The following ZFHX3 variants were observed in gnomAD, a reference collection of about 807,000 sequenced individuals.
ZFHX3 encodes the protein zinc finger homeobox 3.
A neutral mutation model predicts 279.1 loss-of-function variants in ZFHX3; 42 were observed. The ratio of observed to expected loss-of-function variants is 0.15; its 90% CI spans 0.12 to 0.19. ZFHX3 has a LOEUF of 0.19. Ranked by LOEUF, ZFHX3 falls within the 10% of genes least tolerant of loss-of-function variation. ZFHX3 has a pLI of 1.00. For synonymous variants in ZFHX3, 2,293 were observed against 1,957.8 expected (o/e 1.17, Z -4.52); for missense variants, 4,981 against 4,754.0 (o/e 1.05, Z -1.40).
At chr16:73,380,356 T>G (rs1178440203) in intron 3 of ZFHX3, among the ~76,000 whole-genome samples, 1 of 152,196 alleles carries the variant, frequency 6.6e-6, no homozygotes, top group African/African-American at 2.4e-5. Flanking sequence ...AATCCAAGAT[T>G]TTTTAAAGAG....
intron 2 of ZFHX3, among the ~76,000 whole-genome samples, chr16:73,599,792 C>G (rs1298938065): frequency 6.6e-6 from 1 of 151,236 alleles, no homozygotes; most frequent in Non-Finnish European, 1.5e-5. Flanking sequence ...ACACTTCCAC[C>G]GGTATAATGA....
At chr16:73,424,086 C>T (rs897293772) in intron 3 of ZFHX3, among the ~76,000 whole-genome samples, 7 of 152,092 alleles carry the variant, frequency 4.6e-5, no homozygotes, top group African/African-American at 7.2e-5. Context: ...TCTGAGAGCC[C>T]ACCCTACCAC....
intron 3 of ZFHX3, among the ~76,000 whole-genome samples, chr16:72,909,877 C>CAAAAAAAAAAAAAAAAAAAAAAAAA (rs66982395): frequency 1.2e-5 from 1 of 82,324 alleles, no homozygotes; most frequent in African/African-American, 4.8e-5. Flanking sequence ...CACCGTGTCT[C>CAAAAAAAAAAAAAAAAAAAAAAAAA]AAAAAAAAAA....
At chr16:73,712,420 ACC>A (rs2053372206) in intron 1 of ZFHX3, among the ~76,000 whole-genome samples, 1 of 151,606 alleles carries the variant, frequency 6.6e-6, no homozygotes, top group South Asian at 2.1e-4. Flanking sequence ...GAAATCTCTG[ACC>A]CTTCCCCAGC....
chr16:73,059,480 T>C (rs1965650261), exon 1 of ZFHX3: 1 of 148,850 alleles, frequency 6.7e-6, no homozygotes, highest in Non-Finnish European at 1.5e-5. Flanking sequence ...TTTTTTTCCT[T>C]TCTTCTTCCC....
At chr16:73,216,878 G>T (rs2012228562) in intron 5 of ZFHX3, among the ~76,000 whole-genome samples, 1 of 152,286 alleles carries the variant, frequency 6.6e-6, no homozygotes, top group Non-Finnish European at 1.5e-5. Flanking sequence ...TCAGCTTCCT[G>T]AACAACGGTC....
At chr16:73,819,839 C>A (rs1203403201) in intron 1 of ZFHX3, among the ~76,000 whole-genome samples, 1 of 152,128 alleles carries the variant, frequency 6.6e-6, no homozygotes, top group Admixed American at 6.5e-5. Context: ...ATAGTAAGAT[C>A]TTCCCCATAT....
chr16:73,435,303 G>C (rs934116067), intron 3 of ZFHX3, among the ~76,000 whole-genome samples: 5 of 147,948 alleles, frequency 3.4e-5, no homozygotes, highest in Admixed American at 3.3e-4. Flanking sequence ...CCACCTCCCG[G>C]GTTCAAGTGA....
intron 3 of ZFHX3, among the ~76,000 whole-genome samples, chr16:72,910,307 T>A (rs2039286526): frequency 6.6e-6 from 1 of 152,004 alleles, no homozygotes; most frequent in African/African-American, 2.4e-5. Context: ...GAGGAAAAAA[T>A]GAGAAGGTGA....
chr16:73,792,237 A>C (rs1959845996), intron 1 of ZFHX3, among the ~76,000 whole-genome samples: 1 of 152,158 alleles, frequency 6.6e-6, no homozygotes, highest in Admixed American at 6.5e-5. Flanking sequence ...ACCCACTTTT[A>C]TTTCCGCCAT....
intron 7 of ZFHX3, among the ~76,000 whole-genome samples, chr16:73,130,663 A>G (rs941702793): frequency 2.0e-5 from 3 of 152,210 alleles, no homozygotes; most frequent in African/African-American, 7.2e-5. Context: ...CTGGAGTGCA[A>G]TGGAGGTGAT....
intron 1 of ZFHX3, among the ~76,000 whole-genome samples, chr16:72,987,045 G>C (rs923577112): frequency 1.3e-5 from 2 of 152,124 alleles, no homozygotes; most frequent in African/African-American, 2.4e-5. Context: ...CCAGTTACTC[G>C]GGAGACTGAG....
chr16:72,798,499 C>G lies in ZFHX3; in HGVS notation c.4183G>C (p.Asp1395His). ...HAKRPQLPVS[D>H]RHVYKYRCNQ... Reference sequence around the variant, plus strand: ...CAGCGGTACTTGTACACATGGCGATCTGACACCGGCAGCTGAGGCCTCTTG... The same window carrying G: ...CAGCGGTACTTGTACACATGGCGATGTGACACCGGCAGCTGAGGCCTCTTG... Residue 1395 changes from aspartate to histidine, a missense_variant, in exon 9 of 10, where the codon GAT (aspartate) becomes CAT (histidine). Around this residue, in one of 7 missense-constraint regions of ZFHX3, gnomAD observed 1,751 missense variants for 1,770.0 expected, o/e 0.99. Coordinates refer to ENST00000268489, the MANE Select transcript of ZFHX3 (RefSeq NM_006885.4). The G allele has an allele frequency of 6.2e-7, 1 of 1,614,194 alleles. No homozygotes were observed. The highest frequency in any genetic ancestry group is 8.5e-7 in the Non-Finnish European group (1 of 1,180,020).
At chr16:73,501,906 G>T (rs1032219170) in intron 2 of ZFHX3, among the ~76,000 whole-genome samples, 2 of 152,148 alleles carry the variant, frequency 1.3e-5, no homozygotes, top group African/African-American at 4.8e-5. Context: ...TTACCTCTCT[G>T]GGGAAGGACT....
chr16:73,851,951 G>A (rs1438854815), intron 1 of ZFHX3, among the ~76,000 whole-genome samples: 1 of 152,142 alleles, frequency 6.6e-6, no homozygotes. Flanking sequence ...GTCCAGGGAT[G>A]CCAAACATCC....
rs537415169 is a variant in ZFHX3 at position 73,718,966 on chromosome 16, T to C, written c.-1607-38726A>G. 3.3e-5 allele frequency among the ~76,000 whole-genome samples: 5 copies of C among 152,264 alleles called. No individual in the cohort carries two copies. In the East Asian group the frequency reaches 9.7e-4, roughly 29 times the overall value. On this transcript the variant is annotated intron_variant, in intron 1 of 17. Transcript: ENST00000641206. ...CCCTCCTCCGTCAGATCATATGAAA[T>C]GTATTACATCAGGGTAAGGTTTAAG...
chr16:72,893,413 A>G (rs990122423), intron 3 of ZFHX3, among the ~76,000 whole-genome samples: 3 of 152,224 alleles, frequency 2.0e-5, no homozygotes, highest in Non-Finnish European at 4.4e-5. Context: ...CTGAGCCACA[A>G]GAGAGGAATA....
chr16:73,466,739 C>A (rs1310982819), intron 2 of ZFHX3, among the ~76,000 whole-genome samples: 1 of 152,128 alleles, frequency 6.6e-6, no homozygotes, highest in Non-Finnish European at 1.5e-5. Context: ...CCAGTAGGCA[C>A]CTATGTTGTT....
intron 1 of ZFHX3, among the ~76,000 whole-genome samples, chr16:73,682,913 AAAGAGAGAAAG>A: frequency 1.0e-4 from 2 of 19,124 alleles, no homozygotes; most frequent in African/African-American, 2.6e-4. Context: ...AAAGAGAAAG[AAAGAGAGAAAG>A]AGAAAGAAAG....
Sources: allele counts gnomAD v4.1 joint callset (sites outside exome capture counted in the v4.1 genomes callset), GRCh38; gene constraint gnomAD v4.1.1; regional missense constraint gnomAD v4.1.1; transcripts MANE v1.5; gene names NCBI Gene and HGNC (gene_info 2026-07-23, HGNC 2026-07-21).